The following MEI4 variants were observed in gnomAD, a reference collection of about 807,000 sequenced individuals.
MEI4 encodes meiotic double-stranded break formation protein 4.
Under a neutral mutation model 31.4 loss-of-function variants are expected in MEI4, and 27 were observed. That is an observed-to-expected ratio of 0.86 (90% confidence interval 0.63 to 1.19). MEI4 has a LOEUF of 1.19. MEI4 is among the 50% of genes most tolerant of loss of function. MEI4 has a pLI of 0.00. For missense variants in MEI4, 329 were observed against 398.9 expected (o/e 0.82, Z 1.49); for synonymous variants, 122 against 145.4 (o/e 0.84, Z 1.16).
intron 3 of MEI4, among the ~76,000 whole-genome samples, chr6:77,797,343 A>G (rs996812953): frequency 1.3e-5 from 2 of 152,206 alleles, no homozygotes; most frequent in African/African-American, 2.4e-5. Context: ...GTGGGACTGC[A>G]TCAACCTAAA....
rs1770515330 is a variant in MEI4, at chr6:77,847,435, T to A, written c.900+18373T>A. On this transcript the variant is annotated intron_variant, in intron 4 of 4. Transcript: ENST00000684080. The surrounding 1 kb of genome is among the most constrained non-coding windows in gnomAD (Gnocchi z 4.6). ...ATTGCTGCAGTTTTAATGGCTGCCA[T>A]GATGAGGTCTATCAGTCACTGAAAA... Among the ~76,000 whole-genome samples, 1 of 152,166 alleles carries A rather than the reference T, an allele frequency of 6.6e-6. No homozygotes were observed.
intron 4 of MEI4, among the ~76,000 whole-genome samples, chr6:77,902,352 TTC>T (rs1041685283): frequency 1.3e-5 from 2 of 152,172 alleles, no homozygotes; most frequent in African/African-American, 4.8e-5. Context: ...ACAGGCATCT[TTC>T]TGTTTAGTTG....
At chr6:77,846,702 G>GT (rs1770495182) in intron 4 of MEI4, among the ~76,000 whole-genome samples, 1 of 152,184 alleles carries the variant, frequency 6.6e-6, no homozygotes, top group Non-Finnish European at 1.5e-5. Context: ...TGGAGAGCAG[G>GT]TTGTGGCACT....
chr6:77,852,611 A>G (rs1297333384), intron 4 of MEI4, among the ~76,000 whole-genome samples: 3 of 113,006 alleles, frequency 2.7e-5, no homozygotes, highest in African/African-American at 1.2e-4. Flanking sequence ...TCACAGTTTT[A>G]GAGACAGGAA....
chr6:77,708,615 TC>T (rs759626749), intron 2 of MEI4, among the ~76,000 whole-genome samples: 15 of 152,302 alleles, frequency 9.8e-5, no homozygotes, highest in South Asian at 4.1e-4. Flanking sequence ...TGAAATGTGA[TC>T]CCCAGTGTTG....
chr6:77,764,812 G>A (rs1249775371), intron 3 of MEI4, among the ~76,000 whole-genome samples: 1 of 152,018 alleles, frequency 6.6e-6, no homozygotes, highest in African/African-American at 2.4e-5. Context: ...AGGTAAAATG[G>A]TAAAATTGAC....
chr6:77,733,155 G>A (rs1037936546), intron 2 of MEI4, among the ~76,000 whole-genome samples: 5 of 151,900 alleles, frequency 3.3e-5, no homozygotes, highest in Non-Finnish European at 5.9e-5. Context: ...ATGAGTTAGG[G>A]AGGATTCCCT....
chr6:77,919,598 C>T (rs1330410692), intron 4 of MEI4, among the ~76,000 whole-genome samples: 1 of 151,486 alleles, frequency 6.6e-6, no homozygotes, highest in Middle Eastern at 3.2e-3. Flanking sequence ...ACTACAAAAG[C>T]AAGAGCAAAC....
At chr6:77,814,253 G>T (rs1769640417) in intron 3 of MEI4, among the ~76,000 whole-genome samples, 1 of 152,060 alleles carries the variant, frequency 6.6e-6, no homozygotes, top group African/African-American at 2.4e-5. Flanking sequence ...CTCTAGATTT[G>T]GTTACTGTTA....
At chr6:77,813,905 C>T (rs937286649) in intron 3 of MEI4, among the ~76,000 whole-genome samples, 1 of 152,008 alleles carries the variant, frequency 6.6e-6, no homozygotes, top group African/African-American at 2.4e-5. Context: ...TAATGTACAT[C>T]AATGATGATT....
chr6:77,845,973 A>G (rs1770474421), intron 4 of MEI4, among the ~76,000 whole-genome samples: 2 of 151,620 alleles, frequency 1.3e-5, no homozygotes, highest in South Asian at 2.1e-4. Context: ...TAGAGCTCCA[A>G]TTATTTATAT....
At chr6:77,856,105 TC>T (rs1770740485) in intron 4 of MEI4, among the ~76,000 whole-genome samples, 3 of 152,252 alleles carry the variant, frequency 2.0e-5, no homozygotes, top group African/African-American at 7.2e-5. Flanking sequence ...CCTACTTACA[TC>T]CTTTCTCTGG....
At chr6:77,737,490 T>C (rs574809399) in intron 2 of MEI4, among the ~76,000 whole-genome samples, 1 of 152,322 alleles carries the variant, frequency 6.6e-6, no homozygotes, top group East Asian at 1.9e-4. Context: ...TGCACGTTCC[T>C]AAGGGCATGG....
intron 4 of MEI4, among the ~76,000 whole-genome samples, chr6:77,868,847 C>T (rs923683718): frequency 2.0e-5 from 3 of 151,990 alleles, no homozygotes; most frequent in Admixed American, 2.0e-4. Flanking sequence ...TCCCTGAGGT[C>T]CCAACCAGCA....
In MEI4 at chr6:77,846,330, T is replaced by C. The variant is rs1015192622; in HGVS notation, c.900+17268T>C. On this transcript the variant is annotated intron_variant, in intron 4 of 4. Transcript: ENST00000684080. ...ACTCCTTATATATGTTTTTTTGTCA[T>C]TCGATGTGTTTATCTTTTTATCTTT... Among the ~76,000 whole-genome samples, 4 of 152,168 alleles carry C rather than the reference T, an allele frequency of 2.6e-5. No individual in the cohort carries two copies. In the South Asian group the frequency reaches 6.2e-4, roughly 24 times the overall value.
chr6:77,859,725 A>C lies in MEI4; in HGVS notation c.900+30663A>C, dbSNP rs986748026. Among the ~76,000 whole-genome samples, 9 of 152,126 alleles carry C rather than the reference A, an allele frequency of 5.9e-5. No homozygotes were observed. The East Asian group carries it at 1.7e-3, about 29-fold the overall frequency. On this transcript the variant is annotated intron_variant, in intron 4 of 4. Transcript: ENST00000684080. ...CTTATTGGGGCTACTCGTGCATATT[A>C]AATCATGGAAAAAGAATCTCTTGAT... is the stretch of plus-strand genomic sequence containing the variant.
At chr6:77,737,639 A>G (rs58228450) in intron 2 of MEI4, among the ~76,000 whole-genome samples, 3,452 of 152,304 alleles carry the variant, frequency 0.023, 133 homozygotes, top group African/African-American at 0.078. Context: ...GAATGATAAC[A>G]TGGAATAAAT....
intron 3 of MEI4, among the ~76,000 whole-genome samples, chr6:77,770,666 A>C (rs536328640): frequency 3.0e-4 from 46 of 152,314 alleles, no homozygotes; most frequent in African/African-American, 1.0e-3. Flanking sequence ...AAACCAATGG[A>C]ATAGAATAAA....
intron 3 of MEI4, among the ~76,000 whole-genome samples, chr6:77,805,761 G>T (rs980548535): frequency 6.6e-6 from 1 of 151,924 alleles, no homozygotes; most frequent in African/African-American, 2.4e-5. Flanking sequence ...ATATATACAG[G>T]TCTCTTACAT....
Sources: allele counts gnomAD v4.1 joint callset (sites outside exome capture counted in the v4.1 genomes callset), GRCh38; gene constraint gnomAD v4.1.1; non-coding constraint Gnocchi (gnomAD v3.1); transcripts MANE v1.5; gene names NCBI Gene and HGNC (gene_info 2026-07-23, HGNC 2026-07-21).